Variants in ADAMTS12 observed in about 807,000 individuals in gnomAD.
ADAMTS12 encodes A disintegrin and metalloproteinase with thrombospondin motifs 12.
A neutral mutation model predicts 167.8 loss-of-function variants in ADAMTS12; 118 were observed. The ratio of observed to expected loss-of-function variants is 0.70; its 90% CI spans 0.61 to 0.82. The LOEUF is 0.82. Among genes scored for constraint, ADAMTS12 ranks in the 40% least tolerant of loss-of-function variants. The probability of loss-of-function intolerance (pLI) is 0.00; values close to 1 mark genes in which losing one functional copy is unlikely to be tolerated. For synonymous variants in ADAMTS12, 704 were observed against 716.9 expected (o/e 0.98, Z 0.29); for missense variants, 1,916 against 1,998.8 (o/e 0.96, Z 0.79).
chr5:33,627,746 G>T (rs1397329497), intron 13 of ADAMTS12, among the ~76,000 whole-genome samples: 1 of 152,132 alleles, frequency 6.6e-6, no homozygotes, highest in East Asian at 1.9e-4. Flanking sequence ...ATAGGACCTG[G>T]TATTCTGAAC....
At chr5:33,733,998 TACACACACACACACACACACACACAC>T (rs147754057) in intron 3 of ADAMTS12, among the ~76,000 whole-genome samples, 1 of 139,380 alleles carries the variant, frequency 7.2e-6, no homozygotes, top group Admixed American at 7.2e-5. Flanking sequence ...ACTTCCCCAC[TACACACACACACACACACACACACAC>T]ACACACACAC....
chr5:33,620,042 G>A (rs1054147447), intron 14 of ADAMTS12, among the ~76,000 whole-genome samples: 1 of 152,224 alleles, frequency 6.6e-6, no homozygotes, highest in Non-Finnish European at 1.5e-5. Context: ...GGTATGGTAT[G>A]CCTTTCCTAT....
At chr5:33,705,657 A>T (rs1328966144) in intron 3 of ADAMTS12, among the ~76,000 whole-genome samples, 2 of 152,000 alleles carry the variant, frequency 1.3e-5, no homozygotes, top group African/African-American at 4.8e-5. Flanking sequence ...TAAAAATACA[A>T]GAATTAGCTG....
intron 2 of ADAMTS12, among the ~76,000 whole-genome samples, chr5:33,865,333 G>T (rs1749778969): frequency 6.6e-6 from 1 of 151,926 alleles, no homozygotes; most frequent in Non-Finnish European, 1.5e-5. Flanking sequence ...CAATATATGT[G>T]ATATATCACA....
chr5:33,587,843 T>G (rs559494414), intron 18 of ADAMTS12, among the ~76,000 whole-genome samples: 2 of 145,726 alleles, frequency 1.4e-5, no homozygotes, highest in East Asian at 3.9e-4. Flanking sequence ...AAAAAACATG[T>G]ATTTTCTAGT....
chr5:33,718,822 A>C (rs1743702718), intron 3 of ADAMTS12, among the ~76,000 whole-genome samples: 1 of 152,184 alleles, frequency 6.6e-6, no homozygotes, highest in South Asian at 2.1e-4. Flanking sequence ...GCACTTTCTA[A>C]CGACGGGCAC....
intron 2 of ADAMTS12, among the ~76,000 whole-genome samples, chr5:33,824,235 G>A (rs1579966828): frequency 6.6e-6 from 1 of 152,120 alleles, no homozygotes; most frequent in Non-Finnish European, 1.5e-5. Context: ...CACACAGCTT[G>A]AGCCTGACCC....
At chr5:33,696,441 T>A (rs1357032457) in intron 3 of ADAMTS12, among the ~76,000 whole-genome samples, 1 of 144,054 alleles carries the variant, frequency 6.9e-6, no homozygotes, top group African/African-American at 2.7e-5. Context: ...AAAAAAATTA[T>A]AATTAGCCAG....
Position 33,544,475 on chromosome 5 carries a change from T to C in ADAMTS12, c.4446+1584A>G, listed in dbSNP as rs181827964. ...AGATTCAATGCCATCCCCATCAAGC[T>C]ACCAATGACTTTCTTCACAGAATTG... is the stretch of plus-strand genomic sequence containing the variant. On this transcript the variant is annotated intron_variant, in intron 22 of 23. Transcript: ENST00000504830. 2.9e-3 allele frequency among the ~76,000 whole-genome samples: 449 copies of C among 152,316 alleles called. 5 individuals carry two copies. Among genetic ancestry groups the C allele is most frequent in the African/African-American group, 0.01 (429 of 41,564 alleles).
At chr5:33,631,789 CA>C (rs1266431527) in intron 12 of ADAMTS12, among the ~76,000 whole-genome samples, 1 of 152,052 alleles carries the variant, frequency 6.6e-6, no homozygotes, top group African/African-American at 2.4e-5. Context: ...TAGTGAAAAA[CA>C]CAATAATGTC....
At chr5:33,781,824 C>A (rs1217766262) in intron 2 of ADAMTS12, among the ~76,000 whole-genome samples, 1 of 151,996 alleles carries the variant, frequency 6.6e-6, no homozygotes, top group Non-Finnish European at 1.5e-5. Flanking sequence ...TTAGGTATAT[C>A]TCCTAATGCT....
At chr5:33,819,574 G>GT (rs890895475) in intron 2 of ADAMTS12, among the ~76,000 whole-genome samples, 3 of 151,604 alleles carry the variant, frequency 2.0e-5, no homozygotes, top group African/African-American at 7.3e-5. Flanking sequence ...TTTTGTTTTT[G>GT]TTTTTTGCAT....
intron 2 of ADAMTS12, among the ~76,000 whole-genome samples, chr5:33,754,005 T>C (rs936044517): frequency 2.6e-5 from 4 of 152,152 alleles, no homozygotes; most frequent in Non-Finnish European, 5.9e-5. Context: ...GAAGCAGCTG[T>C]AGGGAGAGTG....
chr5:33,868,212 A>G (rs1444360783), intron 2 of ADAMTS12, among the ~76,000 whole-genome samples: 1 of 152,232 alleles, frequency 6.6e-6, no homozygotes, highest in Non-Finnish European at 1.5e-5. Context: ...GAAAATTGGT[A>G]CTTAGAAGTG....
intron 19 of ADAMTS12, among the ~76,000 whole-genome samples, chr5:33,574,027 C>T (rs951931291): frequency 8.5e-5 from 13 of 152,160 alleles, no homozygotes; most frequent in African/African-American, 3.1e-4. Context: ...CAGACAAATG[C>T]AAATCAAAAC....
At chr5:33,663,351 G>A (rs893730607) in intron 5 of ADAMTS12, among the ~76,000 whole-genome samples, 2 of 152,048 alleles carry the variant, frequency 1.3e-5, no homozygotes, top group African/African-American at 4.8e-5. Flanking sequence ...CCCTAGATGG[G>A]AGCAAACGTG....
chr5:33,662,120 A>G (rs749449501), intron 5 of ADAMTS12, 80 bp from the exon 6 acceptor site: 7 of 1,550,726 alleles, frequency 4.5e-6, no homozygotes, highest in Middle Eastern at 3.4e-4. Context: ...TCATCTCCAG[A>G]GGTGTCCAAG....
In ADAMTS12 at chr5:33,596,109, T is replaced by C. The variant is rs745988975; in HGVS notation, c.2528-49A>G. ...ACACATATTGAATCCTGAGCCCACA[T>C]GCTCATGGTCAGGTGAGGTACCTGA... On this transcript the variant is annotated intron_variant, in intron 16 of 23. Coordinates refer to ENST00000504830, the MANE Select transcript of ADAMTS12 (RefSeq NM_030955.4). The C allele has an allele frequency of 3.1e-6, 5 of 1,606,524 alleles. No homozygotes were observed. In the African/African-American group the frequency reaches 5.3e-5, roughly 17 times the overall value.
intron 19 of ADAMTS12, among the ~76,000 whole-genome samples, chr5:33,574,116 T>C (rs926407028): frequency 6.0e-5 from 9 of 151,094 alleles, no homozygotes; most frequent in African/African-American, 1.9e-4. Flanking sequence ...GGAGAGGATG[T>C]GGAGAAATAG....
Sources: gnomAD v4.1 joint callset for allele counts (sites outside exome capture counted in the v4.1 genomes callset) on GRCh38, gnomAD v4.1.1 for gene constraint, MANE v1.5 for transcripts, NCBI Gene and HGNC (gene_info 2026-07-23, HGNC 2026-07-21) for gene names.